Variants in CLIC5 observed in about 807,000 individuals in gnomAD.
CLIC5 encodes CLIC family member 5.
Under a neutral mutation model 24.7 loss-of-function variants are expected in CLIC5, and 20 were observed. The ratio of observed to expected loss-of-function variants is 0.81; its 90% confidence interval spans 0.57 to 1.18. CLIC5 has a LOEUF of 1.18. Among genes scored for constraint, CLIC5 ranks in the 50% most tolerant of loss-of-function variants. The pLI is 0.00. For missense variants in CLIC5, 341 were observed against 326.1 expected, an observed-to-expected ratio of 1.05 and a Z score of -0.35; for synonymous variants, 159 against 135.6, an observed-to-expected ratio of 1.17 and a Z score of -1.20.
At chr6:46,011,366 A>T (rs541553682) in intron 1 of CLIC5, among the ~76,000 whole-genome samples, 1 of 152,348 alleles carries the variant, frequency 6.6e-6, no homozygotes, top group South Asian at 2.1e-4. Context: ...GCTGCCTGCT[A>T]TTGGACCTGC....
intron 1 of CLIC5, among the ~76,000 whole-genome samples, chr6:46,059,724 A>G (rs1028072185): frequency 2.9e-4 from 44 of 152,228 alleles, no homozygotes; most frequent in Non-Finnish European, 5.6e-4. Flanking sequence ...GATTGCAAGT[A>G]GCCACTGAGA....
At chr6:45,912,622 C>T in intron 5 of CLIC5, 1 of 1,489,788 alleles carries the variant, frequency 6.7e-7, no homozygotes, top group Non-Finnish European at 9.0e-7. Context: ...TCAGCTCATG[C>T]TGCTAGTTGG....
At chr6:46,026,576 C>G (rs1767337936) in intron 1 of CLIC5, among the ~76,000 whole-genome samples, 3 of 152,160 alleles carry the variant, frequency 2.0e-5, no homozygotes, top group African/African-American at 4.8e-5. Context: ...AATCAGAGAG[C>G]ATTATTTTAA....
At chr6:46,121,315 C>T in the CLIC5 span, among the ~76,000 whole-genome samples, 1 of 152,198 alleles carries the variant, frequency 6.6e-6, no homozygotes, top group East Asian at 1.9e-4. Context: ...CCCAGAATTT[C>T]ATATCCAGCC....
intron 5 of CLIC5, among the ~76,000 whole-genome samples, chr6:45,908,739 T>C (rs1207671018): frequency 2.0e-5 from 3 of 152,222 alleles, no homozygotes; most frequent in Admixed American, 6.5e-5. Flanking sequence ...GAAAGGAATG[T>C]ATATTCTATG....
chr6:46,033,428 G>A (rs1206121240), intron 1 of CLIC5, among the ~76,000 whole-genome samples: 9 of 152,066 alleles, frequency 5.9e-5, no homozygotes, highest in Admixed American at 5.2e-4. Context: ...AACTATTCTT[G>A]TAATAGCTCA....
chr6:46,107,269 G>A, the CLIC5 span, among the ~76,000 whole-genome samples: 4 of 151,998 alleles, frequency 2.6e-5, no homozygotes, highest in Non-Finnish European at 2.9e-5. Context: ...TTTAATCTGT[G>A]AGTTTATGTT....
chr6:46,029,772 T>A (rs1348824458), intron 1 of CLIC5, among the ~76,000 whole-genome samples: 1 of 152,210 alleles, frequency 6.6e-6, no homozygotes, highest in East Asian at 1.9e-4. Flanking sequence ...ACTGTTGGGC[T>A]GCAGAATTGA....
At chr6:45,984,837 T>A (rs1260836394) in intron 1 of CLIC5, among the ~76,000 whole-genome samples, 1 of 152,154 alleles carries the variant, frequency 6.6e-6, no homozygotes, top group African/African-American at 2.4e-5. Context: ...GATGACTGGG[T>A]CTCAAGAAAT....
At chr6:46,092,138 T>C in the CLIC5 span, among the ~76,000 whole-genome samples, 3,655 of 152,290 alleles carry the variant, frequency 0.024, 145 homozygotes, top group African/African-American at 0.083. Context: ...CATTTTTCTA[T>C]TGTACACCTG....
At chr6:46,102,639 T>G in the CLIC5 span, 1 of 152,796 alleles carries the variant, frequency 6.5e-6, no homozygotes, top group Non-Finnish European at 1.5e-5. Context: ...GCTTCTGTAT[T>G]TGCCAGCTGA....
downstream of CLIC5, among the ~76,000 whole-genome samples, chr6:45,895,816 T>A (rs969583486): frequency 2.0e-5 from 3 of 152,228 alleles, no homozygotes; most frequent in Admixed American, 2.0e-4. Flanking sequence ...AACCAAGCAC[T>A]GCTCCACAGA....
intron 1 of CLIC5, among the ~76,000 whole-genome samples, chr6:46,009,548 G>C (rs1766726426): frequency 6.6e-6 from 1 of 152,094 alleles, no homozygotes; most frequent in Admixed American, 6.5e-5. Flanking sequence ...CTCCAGTCTT[G>C]ACAACAGATA....
chr6:46,001,675 T>C (rs1766365428), intron 1 of CLIC5, among the ~76,000 whole-genome samples: 2 of 152,224 alleles, frequency 1.3e-5, no homozygotes, highest in Non-Finnish European at 2.9e-5. Flanking sequence ...TTCAAGTACC[T>C]TGACTTCATT....
chr6:46,068,308 C>T (rs74496164), intron 1 of CLIC5, among the ~76,000 whole-genome samples: 2 of 152,234 alleles, frequency 1.3e-5, no homozygotes, highest in Non-Finnish European at 2.9e-5. Flanking sequence ...TAATTTGTTA[C>T]AGCAACCCTA....
At chr6:46,002,339 T>C (rs1444790835) in intron 1 of CLIC5, among the ~76,000 whole-genome samples, 1 of 152,204 alleles carries the variant, frequency 6.6e-6, no homozygotes, top group Non-Finnish European at 1.5e-5. Flanking sequence ...AGATGTAAGA[T>C]TTCTCTCAAG....
chr6:46,101,682 TTTGGC>T, the CLIC5 span, among the ~76,000 whole-genome samples: 1 of 152,174 alleles, frequency 6.6e-6, no homozygotes, highest in East Asian at 1.9e-4. Flanking sequence ...AGAACTTACT[TTTGGC>T]TTGGTGACAT....
At chr6:46,052,336 A>G (rs1581901963) in intron 1 of CLIC5, among the ~76,000 whole-genome samples, 2 of 152,320 alleles carry the variant, frequency 1.3e-5, no homozygotes, top group East Asian at 3.9e-4. Context: ...TTGAAATATT[A>G]CTGTCTGCAG....
At chr6:45,979,521 C>G (rs796271184) in intron 1 of CLIC5, among the ~76,000 whole-genome samples, 1 of 152,226 alleles carries the variant, frequency 6.6e-6, no homozygotes, top group Non-Finnish European at 1.5e-5. Flanking sequence ...ACTCTTCCAG[C>G]CTTCTGCCTT....
Sources: gnomAD v4.1 joint callset for allele counts (sites outside exome capture counted in the v4.1 genomes callset) on GRCh38, gnomAD v4.1.1 for gene constraint, MANE v1.5 for transcripts, NCBI Gene and HGNC (gene_info 2026-07-23, HGNC 2026-07-21) for gene names.